The following PCYT1B variants were observed in gnomAD, a reference collection of about 807,000 sequenced individuals.
PCYT1B encodes the protein choline-phosphate cytidylyltransferase B.
In PCYT1B, 10 loss-of-function variants were observed where a neutral mutation model predicts 26.4. That is an observed-to-expected ratio of 0.38 (90% CI 0.23 to 0.64). PCYT1B has a LOEUF of 0.64. PCYT1B is among the 30% of genes least tolerant of loss of function. PCYT1B has a pLI of 0.56. For missense variants in PCYT1B, 161 were observed against 292.7 expected (o/e 0.55, Z 3.28); for synonymous variants, 131 against 108.4 (o/e 1.21, Z -1.29).
intron 2 of PCYT1B, among the ~76,000 whole-genome samples, chrX:24,616,254 A>ATTTTTT (rs1569248437): frequency 1.9e-5 from 1 of 53,090 alleles, no homozygotes; most frequent in Non-Finnish European, 3.2e-5. Context: ...TTTTTTTTTA[A>ATTTTTT]AAAAACAGAG....
chrX:24,593,894 A>G (rs1310223619), intron 3 of PCYT1B, among the ~76,000 whole-genome samples: 2 of 111,379 alleles, frequency 1.8e-5, no homozygotes, highest in Non-Finnish European at 3.8e-5. Context: ...ATATAAATAT[A>G]TATATATATG....
At chrX:24,618,927 T>C (rs1456685137) in intron 2 of PCYT1B, 58 bp downstream of exon 2, 1 of 811,510 alleles carries the variant, frequency 1.2e-6, no homozygotes, top group East Asian at 3.3e-5. Flanking sequence ...CCGGCCCCTT[T>C]CTGATACTTT....
intron 1 of PCYT1B, chrX:24,657,893 C>CT (rs1926955873): frequency 8.9e-6 from 1 of 112,126 alleles, no homozygotes; most frequent in South Asian, 3.7e-4. Context: ...GTTTTTAAAG[C>CT]TTTTGATACA....
intron 3 of PCYT1B, among the ~76,000 whole-genome samples, chrX:24,602,397 T>G (rs1463426109): frequency 5.4e-5 from 6 of 112,126 alleles, no homozygotes; most frequent in Admixed American, 3.8e-4. Flanking sequence ...AGTATCTGTA[T>G]GATACTATCA....
chrX:24,620,512 T>C (rs779581169), intron 1 of PCYT1B, among the ~76,000 whole-genome samples: 17 of 112,339 alleles, frequency 1.5e-4, no homozygotes, highest in Non-Finnish European at 2.6e-4. Flanking sequence ...CTTTTTCAGA[T>C]ACATTATGGC....
At chrX:24,583,890 C>A (rs994868947) in intron 5 of PCYT1B, among the ~76,000 whole-genome samples, 6 of 112,144 alleles carry the variant, frequency 5.4e-5, no homozygotes, top group African/African-American at 1.9e-4. Context: ...CCCCACCAGA[C>A]CTACTGAATC....
rs768027198 is a variant in PCYT1B, at chrX:24,575,328, G to A, written c.709-10C>T. 5.5e-6 allele frequency: 6 copies of A among 1,088,020 alleles called. No homozygotes were observed. The highest frequency in any genetic ancestry group is 7.3e-6 in the Non-Finnish European group (6 of 822,736). 89.7% of individuals were successfully genotyped at this position (1,088,020 alleles called of 1,213,427 possible). A position where few individuals can be genotyped will look rare whatever the true frequency, so the allele number is the denominator to read the frequency against. On this transcript the variant is annotated splice_polypyrimidine_tract_variant and intron_variant, in intron 6 of 7. Coordinates refer to ENST00000379144, the MANE Select transcript of PCYT1B (RefSeq NM_004845.5). The stretch of plus-strand genomic sequence containing the variant: ...AACGGTACCTCTTCTCCTGGTGAAA[G>A]TTTACAGGAAAAAAAAAAACAGATT...
intron 7 of PCYT1B, among the ~76,000 whole-genome samples, chrX:24,566,567 G>A (rs1371933253): frequency 9.0e-6 from 1 of 111,416 alleles, no homozygotes; most frequent in Non-Finnish European, 1.9e-5. Context: ...ACTTTCTAAT[G>A]GTTATATAAT....
chrX:24,664,318 C>T (rs371448253), intron 1 of PCYT1B, among the ~76,000 whole-genome samples: 3 of 111,683 alleles, frequency 2.7e-5, no homozygotes, highest in Admixed American at 9.5e-5. Flanking sequence ...TCTTACCTAA[C>T]GCATACAGGT....
chrX:24,567,500 C>T (rs1404124144), intron 7 of PCYT1B, among the ~76,000 whole-genome samples: 1 of 111,977 alleles, frequency 8.9e-6, no homozygotes, highest in Non-Finnish European at 1.9e-5. Flanking sequence ...GTATGCATGG[C>T]ATTTTCCAAG....
intron 6 of PCYT1B, among the ~76,000 whole-genome samples, chrX:24,576,972 C>A (rs1345907043): frequency 1.8e-5 from 2 of 112,066 alleles, no homozygotes; most frequent in African/African-American, 6.5e-5. Flanking sequence ...TTATATCATT[C>A]TTTTCCACAG....
chrX:24,665,841 C>T (rs1352797222), intron 1 of PCYT1B, among the ~76,000 whole-genome samples: 1 of 110,898 alleles, frequency 9.0e-6, no homozygotes, highest in African/African-American at 3.3e-5. Context: ...CAGGTAGGTG[C>T]ACAAGTCTTA....
upstream of PCYT1B, among the ~76,000 whole-genome samples, chrX:24,651,958 A>G (rs1284713897): frequency 9.0e-6 from 1 of 111,596 alleles, no homozygotes; most frequent in Non-Finnish European, 1.9e-5. Context: ...AGTGAGAGGA[A>G]ACAAAAAAGC....
At chrX:24,649,133 C>T (rs1226936720), upstream of PCYT1B, among the ~76,000 whole-genome samples, 1 of 111,189 alleles carries the variant, frequency 9.0e-6, no homozygotes, top group East Asian at 2.8e-4. Flanking sequence ...ACCCTATTTG[C>T]CCTCCTGGAA....
At chrX:24,610,454 C>A (rs1245117531) in intron 2 of PCYT1B, among the ~76,000 whole-genome samples, 1 of 111,770 alleles carries the variant, frequency 8.9e-6, no homozygotes, top group East Asian at 2.8e-4. Context: ...TTTGAAATAA[C>A]AAACTGTCTA....
At chrX:24,632,932 G>A (rs774665098) in intron 1 of PCYT1B, among the ~76,000 whole-genome samples, 22 of 111,314 alleles carry the variant, frequency 2.0e-4, no homozygotes, top group African/African-American at 5.5e-4. Flanking sequence ...AAAAGTGGCC[G>A]GGCACGGTGG....
chrX:24,642,216 T>C (rs1602203405), intron 1 of PCYT1B, among the ~76,000 whole-genome samples: 1 of 112,380 alleles, frequency 8.9e-6, no homozygotes, highest in East Asian at 2.8e-4. Context: ...TTTATTTCTC[T>C]CCACAGCACC....
chrX:24,663,023 G>A (rs1234910648), intron 1 of PCYT1B, among the ~76,000 whole-genome samples: 2 of 112,037 alleles, frequency 1.8e-5, no homozygotes, highest in African/African-American at 6.5e-5. Context: ...ATTATGCTGA[G>A]GTTGAGAAGC....
intron 7 of PCYT1B, among the ~76,000 whole-genome samples, 165 bp from the exon 8 acceptor site, chrX:24,562,670 A>G (rs1602142999): frequency 9.0e-6 from 1 of 110,746 alleles, no homozygotes; most frequent in South Asian, 3.9e-4. Flanking sequence ...ATAGTAAGGA[A>G]CCGAGTGATA....
Sources: allele counts gnomAD v4.1 joint callset (sites outside exome capture counted in the v4.1 genomes callset), GRCh38; gene constraint gnomAD v4.1.1; transcripts MANE v1.5; gene names NCBI Gene and HGNC (gene_info 2026-07-23, HGNC 2026-07-21).